The following KCND2 variants were observed in gnomAD, a reference collection of about 807,000 sequenced individuals.
KCND2 encodes the protein potassium voltage-gated channel subfamily D member 2, also known as A-type voltage-gated potassium channel KCND2.
A neutral mutation model predicts 54.4 loss-of-function variants in KCND2; 16 were observed. That is an observed-to-expected ratio of 0.29 (90% CI 0.20 to 0.45). The LOEUF is 0.45. Among genes scored for constraint, KCND2 ranks in the 20% least tolerant of loss-of-function variants. KCND2 has a pLI of 1.00. For missense variants in KCND2, 486 were observed against 824.2 expected (o/e 0.59, Z 5.02); for synonymous variants, 317 against 310.7 (o/e 1.02, Z -0.21).
At chr7:120,498,810 A>G (rs1011965214) in intron 1 of KCND2, among the ~76,000 whole-genome samples, 1 of 151,906 alleles carries the variant, frequency 6.6e-6, no homozygotes, top group Admixed American at 6.6e-5. Flanking sequence ...AAAATAAAAT[A>G]AAAGGCACTG....
In KCND2 at chr7:120,724,852, A is replaced by G. The variant is rs139537140; in HGVS notation, c.1116-8051A>G. The stretch of plus-strand genomic sequence containing the variant: ...TATTTTCATAACTTCTTTAAAAATC[A>G]TAATTTTATAAAATGAGGGAATAAA... On this transcript the variant is annotated intron_variant, in intron 1 of 5. Transcript: ENST00000331113. Among the ~76,000 whole-genome samples, 262 of 152,306 alleles carry G rather than the reference A, an allele frequency of 1.7e-3. 1 individual carries two copies. Among genetic ancestry groups the G allele is most frequent in the Middle Eastern group, 6.8e-3 (2 of 294 alleles).
intron 1 of KCND2, among the ~76,000 whole-genome samples, chr7:120,514,592 GGTTT>G (rs777938781): frequency 1.8e-4 from 27 of 151,904 alleles, no homozygotes; most frequent in Admixed American, 7.9e-4. Context: ...GAAGTTTTTT[GGTTT>G]GTTTGTTTTT....
At position 120,429,726 on chromosome 7, in the gene KCND2, A is replaced by G. The variant is rs143178617; in HGVS notation, c.1115+153979A>G. On this transcript the variant is annotated intron_variant, in intron 1 of 5. Transcript: ENST00000331113. ...TGAACCTCTCACTTCACAGAAAACCACTGATAGTATTTGTTGCCAATGATA... is the reference window on the plus strand; with the variant it reads ...TGAACCTCTCACTTCACAGAAAACCGCTGATAGTATTTGTTGCCAATGATA... 7.5e-3 allele frequency among the ~76,000 whole-genome samples: 1,145 copies of G among 152,352 alleles called. 12 individuals carry two copies. Among genetic ancestry groups the G allele is most frequent in the African/African-American group, 0.026 (1,097 of 41,580 alleles).
At chr7:120,596,097 C>T (rs1285131683) in intron 1 of KCND2, among the ~76,000 whole-genome samples, 1 of 152,026 alleles carries the variant, frequency 6.6e-6, no homozygotes, top group Non-Finnish European at 1.5e-5. Flanking sequence ...TCCAGGTGAT[C>T]TTTGTTTTGA....
At chr7:120,450,729 C>T (rs1376422044) in intron 1 of KCND2, among the ~76,000 whole-genome samples, 1 of 152,168 alleles carries the variant, frequency 6.6e-6, no homozygotes, top group Non-Finnish European at 1.5e-5. Flanking sequence ...AAGGAGTAGG[C>T]TTTAGATCTT....
intron 1 of KCND2, among the ~76,000 whole-genome samples, chr7:120,312,058 T>A (rs1563005564): frequency 6.6e-6 from 1 of 152,012 alleles, no homozygotes. Context: ...GCATGCAACA[T>A]CATGCCTGGC....
intron 1 of KCND2, among the ~76,000 whole-genome samples, chr7:120,357,294 A>C (rs1800520607): frequency 1.3e-5 from 2 of 152,132 alleles, no homozygotes; most frequent in Non-Finnish European, 2.9e-5. Context: ...TACAGTTACT[A>C]ATTGAAGGAG....
rs532690944 is a variant in KCND2, at chr7:120,556,737, GA to G, written c.1116-176158del. Among the ~76,000 whole-genome samples the G allele has an allele frequency of 1.4e-3, 212 of 151,734 alleles. 1 individual carries two copies. The highest frequency in any genetic ancestry group is 2.4e-3 in the Non-Finnish European group (162 of 67,864). ...TTTGCACAGAGAAACAGTATTACCT[GA>G]AAAAAAATATGTACCTGCAAATGAC... On this transcript the variant is annotated intron_variant, in intron 1 of 5. Transcript: ENST00000331113.
chr7:120,730,274 GGCTTACT>G (rs1792788832), intron 1 of KCND2, among the ~76,000 whole-genome samples: 1 of 151,936 alleles, frequency 6.6e-6, no homozygotes, highest in African/African-American at 2.4e-5. Context: ...CCTTCTCTGG[GGCTTACT>G]GCATAATCAG....
chr7:120,325,735 GATA>G (rs1249279961), intron 1 of KCND2, among the ~76,000 whole-genome samples: 1 of 152,070 alleles, frequency 6.6e-6, no homozygotes, highest in East Asian at 1.9e-4. Flanking sequence ...AAGAAAAACT[GATA>G]ATATTTTAAA....
At chr7:120,621,276 CAA>C (rs1175736454) in intron 1 of KCND2, among the ~76,000 whole-genome samples, 13,426 of 46,594 alleles carry the variant, frequency 0.29, 866 homozygotes, top group Non-Finnish European at 0.32. Flanking sequence ...GACTCCGTCT[CAA>C]AAAAAAAAAA....
At position 120,488,709 on chromosome 7, in the gene KCND2, G is replaced by T. The variant is rs1802728925; in HGVS notation, c.1115+212962G>T. ...CCCCCTTTATTATTCTTTTCTAGGG[G>T]TTTAAAATACATCCTTTCCTGAATT... On this transcript the variant is annotated intron_variant, in intron 1 of 5. Coordinates refer to ENST00000331113, the MANE Select transcript of KCND2 (RefSeq NM_012281.3). Among the ~76,000 whole-genome samples the T allele has an allele frequency of 2.6e-5, 4 of 151,680 alleles. No individual in the cohort carries two copies. The South Asian group carries it at 6.2e-4, about 24-fold the overall frequency.
In KCND2 at chr7:120,747,788, C is replaced by G; in HGVS notation, c.1823C>G (p.Pro608Arg). The G allele has an allele frequency of 1.9e-6, 3 of 1,612,552 alleles. No individual in the cohort carries two copies. The South Asian group carries it at 3.3e-5, about 18-fold the overall frequency. The stretch of plus-strand genomic sequence containing the variant: ...ATCCCAACACCTCCAGTAACCACAC[C>G]AGAAGGAGACGATAGGCCAGAATCC... ...ISIPTPPVTT[P>R]EGDDRPESPE... Residue 608 changes from proline (P) to arginine (R), a missense_variant, in exon 6 of 6, where the codon CCA becomes CGA. Physicochemically the swap from Pro to Arg is moderately radical, Grantham distance 103. Around this residue, in one of 7 missense-constraint regions of KCND2, gnomAD observed 202 missense variants for 252.7 expected, o/e 0.80. Transcript: ENST00000331113.
At chr7:120,488,814 A>T (rs1802730762) in intron 1 of KCND2, among the ~76,000 whole-genome samples, 1 of 152,222 alleles carries the variant, frequency 6.6e-6, no homozygotes, top group Admixed American at 6.5e-5. Context: ...ATATACATGG[A>T]AAAACCGACA....
chr7:120,279,482 A>G (rs1237316588), intron 1 of KCND2, among the ~76,000 whole-genome samples: 1 of 151,966 alleles, frequency 6.6e-6, no homozygotes, highest in Non-Finnish European at 1.5e-5. Flanking sequence ...GCTACATGGC[A>G]TTTCTGTAAA....
chr7:120,454,410 G>A (rs1409265207), intron 1 of KCND2, among the ~76,000 whole-genome samples: 4 of 152,178 alleles, frequency 2.6e-5, no homozygotes, highest in Admixed American at 2.0e-4. Flanking sequence ...ATCCCTCAGT[G>A]ACTGCTACAA....
intron 1 of KCND2, among the ~76,000 whole-genome samples, chr7:120,329,616 G>T (rs532419851): frequency 2.0e-5 from 3 of 152,014 alleles, no homozygotes; most frequent in African/African-American, 4.8e-5. Flanking sequence ...TCTTTTTCTG[G>T]TCATTTTGTC....
intron 1 of KCND2, among the ~76,000 whole-genome samples, chr7:120,434,553 G>T (rs1801839749): frequency 6.6e-6 from 1 of 152,212 alleles, no homozygotes; most frequent in African/African-American, 2.4e-5. Flanking sequence ...TCTTTCTCAT[G>T]TCTTCTTCCT....
chr7:120,603,151 T>A (rs1046466093), intron 1 of KCND2, among the ~76,000 whole-genome samples: 6 of 152,226 alleles, frequency 3.9e-5, no homozygotes, highest in African/African-American at 1.4e-4. Flanking sequence ...AATCTCTGAT[T>A]CTTCATCTTT....
Sources: gnomAD v4.1 joint callset for allele counts (sites outside exome capture counted in the v4.1 genomes callset) on GRCh38, gnomAD v4.1.1 for gene constraint, gnomAD v4.1.1 regional missense constraint, MANE v1.5 for transcripts, NCBI Gene and HGNC (gene_info 2026-07-23, HGNC 2026-07-21) for gene names.